KANSL1: variants seen among roughly 807,000 people sequenced by gnomAD.
KANSL1 encodes MLL1/MLL complex subunit KANSL1.
Under a neutral mutation model 103.6 loss-of-function variants are expected in KANSL1, and 22 were observed. The ratio of observed to expected loss-of-function variants is 0.21; its 90% CI spans 0.15 to 0.30. The LOEUF is 0.30. Ranked by LOEUF, KANSL1 falls within the 10% of genes least tolerant of loss-of-function variation. The pLI, the probability that KANSL1 is intolerant of heterozygous loss-of-function variation, is 1.00. For missense variants in KANSL1, 1,337 were observed against 1,399.8 expected, an observed-to-expected ratio of 0.96 and a Z score of 0.72; for synonymous variants, 600 against 527.6, an observed-to-expected ratio of 1.14 and a Z score of -1.88.
intron 7 of KANSL1, chr17:46,040,224 C>T (rs959092395): frequency 6.5e-6 from 2 of 306,038 alleles, no homozygotes; most frequent in Non-Finnish European, 1.2e-5. Flanking sequence ...CATATTTAAG[C>T]CTACTTCTTT....
chr17:46,083,907 C>T (rs1232932311), intron 3 of KANSL1, among the ~76,000 whole-genome samples: 1 of 151,978 alleles, frequency 6.6e-6, no homozygotes, highest in Non-Finnish European at 1.5e-5. Flanking sequence ...CCCTGGGGTC[C>T]TTGTAACTAA....
chr17:46,187,118 C>T (rs543703936), intron 1 of KANSL1, among the ~76,000 whole-genome samples: 15 of 152,390 alleles, frequency 9.8e-5, no homozygotes, highest in South Asian at 4.1e-4. Context: ...TTTCCCTTCA[C>T]ACCCTCTGGT....
chr17:46,094,217 C>G (rs1219176630), intron 3 of KANSL1: 1 of 251,206 alleles, frequency 4.0e-6, no homozygotes, highest in Non-Finnish European at 7.5e-6. Flanking sequence ...CCACTTCAGC[C>G]TCCTAAGTAG....
intron 2 of KANSL1, among the ~76,000 whole-genome samples, chr17:46,100,319 C>A (rs2042253375): frequency 6.6e-6 from 1 of 152,028 alleles, no homozygotes; most frequent in African/African-American, 2.4e-5. Flanking sequence ...CGCCTGTAAT[C>A]CCAGCTACAT....
intron 1 of KANSL1, among the ~76,000 whole-genome samples, chr17:46,180,912 G>A (rs1362048231): frequency 6.6e-6 from 1 of 152,168 alleles, no homozygotes; most frequent in Non-Finnish European, 1.5e-5. Flanking sequence ...TGACAGCAGA[G>A]TATCATTAAA....
At chr17:46,220,954 C>A (rs896382004) in intron 1 of KANSL1, among the ~76,000 whole-genome samples, 21 of 151,826 alleles carry the variant, frequency 1.4e-4, no homozygotes, top group African/African-American at 5.1e-4. Flanking sequence ...TCCCAAAGTG[C>A]TGGGATTACA....
At chr17:46,177,830 A>T (rs540726625) in intron 1 of KANSL1, among the ~76,000 whole-genome samples, 122 of 151,622 alleles carry the variant, frequency 8.0e-4, no homozygotes, top group Admixed American at 1.3e-3. Flanking sequence ...CAGGCTGGAG[A>T]GCAGTGGCGT....
intron 2 of KANSL1, among the ~76,000 whole-genome samples, chr17:46,134,472 G>A (rs1194563773): frequency 6.6e-6 from 1 of 152,156 alleles, no homozygotes; most frequent in Non-Finnish European, 1.5e-5. Flanking sequence ...ATCAGATAAA[G>A]TCTGAACTTC....
At chr17:46,039,931 C>T in intron 7 of KANSL1, 47 bp from the exon 8 acceptor site, 1 of 1,569,460 alleles carries the variant, frequency 6.4e-7, no homozygotes, top group South Asian at 1.1e-5. Flanking sequence ...CACCTGGCCT[C>T]TCTAGTGTTC....
At chr17:46,043,680 C>G (rs2077404867) in intron 7 of KANSL1, 1 of 152,180 alleles carries the variant, frequency 6.6e-6, no homozygotes, top group African/African-American at 2.4e-5. Context: ...GATTATATGA[C>G]TGCTATGAGT....
At chr17:46,204,848 T>A (rs958227962) in intron 1 of KANSL1, among the ~76,000 whole-genome samples, 2 of 152,192 alleles carry the variant, frequency 1.3e-5, no homozygotes, top group African/African-American at 4.8e-5. Context: ...AACCACATGA[T>A]CATTTGAATA....
At chr17:46,142,243 T>C (rs539040405) in intron 2 of KANSL1, among the ~76,000 whole-genome samples, 1 of 152,194 alleles carries the variant, frequency 6.6e-6, no homozygotes, top group South Asian at 2.1e-4. Flanking sequence ...TTTAAACAAT[T>C]TATAATTTCT....
intron 1 of KANSL1, among the ~76,000 whole-genome samples, chr17:46,189,621 GC>G (rs2047210557): frequency 6.6e-6 from 1 of 152,210 alleles, no homozygotes; most frequent in Non-Finnish European, 1.5e-5. Context: ...AGTGGTTCAT[GC>G]CTGTAATTCC....
intron 2 of KANSL1, among the ~76,000 whole-genome samples, chr17:46,135,797 G>A (rs2044111059): frequency 6.7e-6 from 1 of 148,548 alleles, no homozygotes; most frequent in Non-Finnish European, 1.5e-5. Context: ...TCCCAAAAGT[G>A]CTGGATTATA....
chr17:46,119,181 G>A (rs1262345943), intron 2 of KANSL1, among the ~76,000 whole-genome samples: 1 of 152,098 alleles, frequency 6.6e-6, no homozygotes, highest in African/African-American at 2.4e-5. Flanking sequence ...TCTATGAAAC[G>A]GTGCCTACTA....
chr17:46,145,884 A>C (rs1331408065), intron 2 of KANSL1, among the ~76,000 whole-genome samples: 1 of 152,106 alleles, frequency 6.6e-6, no homozygotes, highest in African/African-American at 2.4e-5. Context: ...GTCGACCATG[A>C]CACTCAGCTA....
chr17:46,219,024 G>A, intron 1 of KANSL1, among the ~76,000 whole-genome samples: 1 of 152,056 alleles, frequency 6.6e-6, no homozygotes, highest in Non-Finnish European at 1.5e-5. Context: ...ACTTTGGGAG[G>A]CCGAGGCGGG....
chr17:46,174,257 T>A (rs1459065332), intron 1 of KANSL1, among the ~76,000 whole-genome samples: 1 of 152,208 alleles, frequency 6.6e-6, no homozygotes, highest in Non-Finnish European at 1.5e-5. Context: ...TGATCTCAGC[T>A]CACTGTAACC....
intron 2 of KANSL1, among the ~76,000 whole-genome samples, chr17:46,159,438 G>C (rs1346266657): frequency 1.3e-5 from 2 of 152,174 alleles, no homozygotes; most frequent in East Asian, 3.8e-4. Flanking sequence ...TCTGGTACTT[G>C]CCAAATCAAT....
Sources: gnomAD v4.1 joint callset for allele counts (sites outside exome capture counted in the v4.1 genomes callset) on GRCh38, gnomAD v4.1.1 for gene constraint, MANE v1.5 for transcripts, NCBI Gene and HGNC (gene_info 2026-07-23, HGNC 2026-07-21) for gene names.